Variants in PLCH1 observed in about 807,000 individuals in gnomAD.
PLCH1 encodes 1-phosphatidylinositol 4,5-bisphosphate phosphodiesterase eta-1.
A neutral mutation model predicts 126.7 loss-of-function variants in PLCH1; 60 were observed. That is an observed-to-expected ratio of 0.47 (90% CI 0.38 to 0.59). The LOEUF (loss-of-function observed/expected upper bound fraction) is 0.59. Ranked by LOEUF, PLCH1 falls within the 20% of genes least tolerant of loss-of-function variation. The pLI is 0.00. For synonymous variants in PLCH1, 719 were observed against 734.9 expected (o/e 0.98, Z 0.35); for missense variants, 1,723 against 2,040.0 (o/e 0.84, Z 2.99).
chr3:155,626,623 G>T (rs7646657), intron 2 of PLCH1, among the ~76,000 whole-genome samples: 1 of 151,790 alleles, frequency 6.6e-6, no homozygotes, highest in Non-Finnish European at 1.5e-5. Flanking sequence ...CAAAAAATTA[G>T]CCGGGCGTGG....
At chr3:155,586,701 A>G (rs1040322288) in intron 4 of PLCH1, among the ~76,000 whole-genome samples, 10 of 152,202 alleles carry the variant, frequency 6.6e-5, no homozygotes, top group African/African-American at 2.4e-4. Context: ...CTCTGTCTCA[A>G]AAGAAAAAAA....
rs28405004 is a variant in PLCH1 at position 155,566,320 on chromosome 3, C to T, written c.866-1202G>A. Among the ~76,000 whole-genome samples the T allele has an allele frequency of 1.0e-3, 5 of 4,778 alleles. No individual in the cohort carries two copies. In the East Asian group the frequency reaches 0.018, roughly 17 times the overall value. 3.1% of individuals were successfully genotyped at this position (4,778 alleles called of 152,430 possible). A position where few individuals can be genotyped will look rare whatever the true frequency, so the allele number is the denominator to read the frequency against. On this transcript the variant is annotated intron_variant, in intron 7 of 22. Coordinates refer to ENST00000460012, the MANE Select transcript of PLCH1 (RefSeq NM_014996.4). ...ATATACACATATATATACATATATA[C>T]ATATATATACGTATATATACACATA... is the stretch of plus-strand genomic sequence containing the variant.
intron 2 of PLCH1, among the ~76,000 whole-genome samples, chr3:155,602,522 T>A (rs1222840428): frequency 6.8e-6 from 1 of 147,432 alleles, no homozygotes; most frequent in East Asian, 2.0e-4. Flanking sequence ...GGGGAGTTTG[T>A]CATTGTGTGA....
At chr3:155,523,011 G>A (rs1392106769) in intron 11 of PLCH1, among the ~76,000 whole-genome samples, 1 of 151,858 alleles carries the variant, frequency 6.6e-6, no homozygotes, top group Non-Finnish European at 1.5e-5. Flanking sequence ...GTCTCGCTCT[G>A]TCGCCCAGGC....
chr3:155,565,129 A>G lies in PLCH1; in HGVS notation c.866-11T>C, dbSNP rs72996912. On this transcript the variant is annotated splice_polypyrimidine_tract_variant and intron_variant, in intron 7 of 22. Transcript: ENST00000460012. ...TGAAGTTCGTGAAGCCTTTGGAAGA[A>G]AGAGAGTGACTTACTACAGCTTTCA... is the stretch of plus-strand genomic sequence containing the variant. 1 of 1,595,732 alleles carries G rather than the reference A, an allele frequency of 6.3e-7. No individual in the cohort carries two copies. Among genetic ancestry groups the G allele is most frequent in the Non-Finnish European group, 8.6e-7 (1 of 1,163,316 alleles).
intron 2 of PLCH1, among the ~76,000 whole-genome samples, chr3:155,665,544 G>A (rs1388709213): frequency 1.3e-5 from 2 of 152,162 alleles, no homozygotes; most frequent in South Asian, 4.1e-4. Flanking sequence ...GGAAAGACCT[G>A]TGCCAACACT....
In PLCH1 at chr3:155,481,928, A is replaced by T. The variant is rs1714130150; in HGVS notation, c.4098T>A (p.Cys1366Ter). 1 of 1,614,148 alleles carries T rather than the reference A, an allele frequency of 6.2e-7. No individual in the cohort carries two copies. Among genetic ancestry groups the T allele is most frequent in the East Asian group, 2.2e-5 (1 of 44,878 alleles). The change falls in exon 23 of 23, where the codon TGT becomes TGA. Residue 1366 changes from cysteine (C) to a stop codon, truncating the protein, a stop_gained. Transcript: ENST00000460012. LOFTEE classifies it low-confidence loss of function (END_TRUNC). This position sits in a 1 kb window ranked among gnomAD's most constrained non-coding sequence, Gnocchi z 4.2. The part of the protein sequence containing the change: ...GESENLSLTT[C>*]EYRREGTSQL... Reference sequence around the variant, plus strand: ...GACTTGTGCCCTCTCTCCTATATTCACAGGTTGTTAGAGAAAGATTTTCTG... The same window carrying T: ...GACTTGTGCCCTCTCTCCTATATTCTCAGGTTGTTAGAGAAAGATTTTCTG...
At chr3:155,572,182 C>T (rs924011141) in intron 6 of PLCH1, among the ~76,000 whole-genome samples, 8 of 152,176 alleles carry the variant, frequency 5.3e-5, no homozygotes, top group Admixed American at 3.9e-4. Context: ...TTTGCTCTGA[C>T]TTTACTCTGT....
At chr3:155,741,298 T>C (rs1749602399) in intron 1 of PLCH1, among the ~76,000 whole-genome samples, 1 of 152,160 alleles carries the variant, frequency 6.6e-6, no homozygotes, top group Non-Finnish European at 1.5e-5. Context: ...AGAACATGCT[T>C]CCCAGGCCGA....
At chr3:155,705,217 A>C (rs1746566459) in intron 1 of PLCH1, among the ~76,000 whole-genome samples, 1 of 152,152 alleles carries the variant, frequency 6.6e-6, no homozygotes. Flanking sequence ...TTAGTGAAAA[A>C]AATATATATT....
rs567545728 is a variant in PLCH1 at position 155,491,580 on chromosome 3, G to A, written c.2308-712C>T. Among the ~76,000 whole-genome samples the A allele has an allele frequency of 2.9e-4, 44 of 152,180 alleles. No homozygotes were observed. The South Asian group carries it at 9.1e-3, about 32-fold the overall frequency. On this transcript the variant is annotated intron_variant, in intron 18 of 22. Coordinates refer to ENST00000460012, the MANE Select transcript of PLCH1 (RefSeq NM_014996.4). The stretch of plus-strand genomic sequence containing the variant: ...GCCTGGTCAGAAGTATGTGTTCAAT[G>A]AATACTCTCAACAATGAGAAAAGAA...
intron 2 of PLCH1, among the ~76,000 whole-genome samples, chr3:155,598,469 T>C (rs1733280198): frequency 6.6e-6 from 1 of 152,142 alleles, no homozygotes; most frequent in Admixed American, 6.5e-5. Context: ...ATAGATCATA[T>C]CAATAAACAG....
chr3:155,721,696 A>T (rs1747957739), intron 1 of PLCH1, among the ~76,000 whole-genome samples: 1 of 152,090 alleles, frequency 6.6e-6, no homozygotes, highest in Non-Finnish European at 1.5e-5. Context: ...GATACCCTTT[A>T]TTTCTTTCTC....
chr3:155,673,048 CTTTTTTTTTTTTTTTT>C lies in PLCH1; in HGVS notation c.79+31082_79+31097del, dbSNP rs66672315. 1.5e-4 allele frequency among the ~76,000 whole-genome samples: 10 copies of C among 68,238 alleles called. No individual in the cohort carries two copies. The South Asian group carries it at 5.7e-3, about 39-fold the overall frequency. 44.8% of individuals were successfully genotyped at this position (68,238 alleles called of 152,430 possible). A position where few individuals can be genotyped will look rare whatever the true frequency, so the allele number is the denominator to read the frequency against. ...TCCCCAGCTTAAAACCTTCTGTTGCCTTTTTTTTTTTTTTTTTTTTTTTTTTGGTAATAATGTCTAA... is the reference window on the plus strand; with the variant it reads ...TCCCCAGCTTAAAACCTTCTGTTGCCTTTTTTTTTTGGTAATAATGTCTAA... On this transcript the variant is annotated intron_variant, in intron 2 of 22. Transcript: ENST00000460012.
downstream of PLCH1, among the ~76,000 whole-genome samples, chr3:155,478,192 T>C (rs574739448): frequency 6.6e-6 from 1 of 152,148 alleles, no homozygotes; most frequent in Admixed American, 6.5e-5. Context: ...GATCTAAAAA[T>C]CAAAACAATT....
Position 155,481,813 on chromosome 3 carries a change from G to A in PLCH1, c.4213C>T (p.Leu1405Phe). ...GLRNGYCKET[L>F]RPSVPEIFNN... The stretch of plus-strand genomic sequence containing the variant: ...AATATTTCAGGGACAGAAGGGCGGA[G>A]GGTCTCTTTACAGTAGCCGTTTCTC... Residue 1405 changes from leucine to phenylalanine, a missense_variant, in exon 23 of 23, where the codon CTC becomes TTC. Around this residue, in one of 2 missense-constraint regions of PLCH1, gnomAD observed 947 missense variants for 977.1 expected, o/e 0.97. Coordinates refer to ENST00000460012, the MANE Select transcript of PLCH1 (RefSeq NM_014996.4). The surrounding 1 kb of genome is among the most constrained non-coding windows in gnomAD (Gnocchi z 4.2). 1.2e-6 allele frequency: 2 copies of A among 1,614,176 alleles called. No individual in the cohort carries two copies. Among genetic ancestry groups the A allele is most frequent in the Non-Finnish European group, 1.7e-6 (2 of 1,180,020 alleles).
chr3:155,545,121 C>G (rs1165064775), intron 10 of PLCH1, among the ~76,000 whole-genome samples: 2 of 151,896 alleles, frequency 1.3e-5, no homozygotes, highest in Admixed American at 1.3e-4. Context: ...AAAAGATCAA[C>G]AAAATTGATA....
At chr3:155,514,006 T>G (rs1011475705) in intron 12 of PLCH1, among the ~76,000 whole-genome samples, 1 of 152,126 alleles carries the variant, frequency 6.6e-6, no homozygotes, top group Non-Finnish European at 1.5e-5. Flanking sequence ...TTGGCAGTTA[T>G]CTCGCAACCA....
intron 2 of PLCH1, among the ~76,000 whole-genome samples, chr3:155,687,640 A>G (rs932981335): frequency 5.9e-5 from 9 of 152,210 alleles, no homozygotes; most frequent in African/African-American, 1.9e-4. Flanking sequence ...ATTATTTCCC[A>G]GATGGGTTCT....
Sources: gnomAD v4.1 joint callset for allele counts (sites outside exome capture counted in the v4.1 genomes callset) on GRCh38, gnomAD v4.1.1 for gene constraint, gnomAD v4.1.1 regional missense constraint, Gnocchi (gnomAD v3.1) non-coding constraint, MANE v1.5 for transcripts, NCBI Gene and HGNC (gene_info 2026-07-23, HGNC 2026-07-21) for gene names.